OVCH2: variants seen among roughly 807,000 people sequenced by gnomAD.
OVCH2 encodes the protein ovochymase-2.
A neutral mutation model predicts 73.7 loss-of-function variants in OVCH2; 88 were observed. The observed-to-expected ratio is 1.19, with a 90% CI of 1.01 to 1.43. OVCH2 has a LOEUF of 1.43. Ranked by LOEUF, OVCH2 falls within the 40% of genes most tolerant of loss-of-function variation. The probability of loss-of-function intolerance (pLI) is 0.00; values close to 1 mark genes in which losing one functional copy is unlikely to be tolerated. For missense variants in OVCH2, 706 were observed against 674.5 expected (o/e 1.05, Z -0.52); for synonymous variants, 265 against 234.5 (o/e 1.13, Z -1.19).
chr11:7,687,074 C>A (rs1368138783), downstream of OVCH2, among the ~76,000 whole-genome samples: 2 of 151,994 alleles, frequency 1.3e-5, no homozygotes, highest in Non-Finnish European at 2.9e-5. Context: ...TTCTTTCTAC[C>A]TTAAAGGCAA....
At chr11:7,690,372 C>G (rs1856198075) in intron 14 of OVCH2, among the ~76,000 whole-genome samples, 1 of 152,178 alleles carries the variant, frequency 6.6e-6, no homozygotes, top group African/African-American at 2.4e-5. Context: ...TTATGTACTG[C>G]ACACTTGCTT....
downstream of OVCH2, among the ~76,000 whole-genome samples, chr11:7,688,108 G>A (rs1445135799): frequency 6.6e-6 from 1 of 152,072 alleles, no homozygotes; most frequent in Non-Finnish European, 1.5e-5. Flanking sequence ...CAGCTCCCAT[G>A]TCTGTCCTGG....
Position 7,696,540 on chromosome 11 carries a change from T to A in OVCH2, c.1066A>T (p.Ser356Cys). 1 of 1,614,000 alleles carries A rather than the reference T, an allele frequency of 6.2e-7. No individual in the cohort carries two copies. Among genetic ancestry groups the A allele is most frequent in the Non-Finnish European group, 8.5e-7 (1 of 1,179,898 alleles). ...LVPEEMHVLL[S>C]FSHLDVESCH... ...GACTCAACATCTAGGTGGGAAAAAC[T>A]GAGCAACACATGCATTTCCTCTGGT... The change falls in exon 10 of 16, where the codon AGT becomes TGT. Residue 356 changes from serine (S) to cysteine (C), a missense_variant. Physicochemically the swap from Ser to Cys is moderately radical, Grantham distance 112. Coordinates refer to ENST00000533663, the MANE Select transcript of OVCH2 (RefSeq NM_198185.7).
At chr11:7,688,118 G>A (rs1355564886), downstream of OVCH2, among the ~76,000 whole-genome samples, 2 of 151,974 alleles carry the variant, frequency 1.3e-5, no homozygotes, top group Admixed American at 1.3e-4. Context: ...GTCTGTCCTG[G>A]TTCTCCTCCT....
At position 7,704,547 on chromosome 11, in the gene OVCH2, G is replaced by C. The variant is rs1229173903; in HGVS notation, c.198+18C>G. On this transcript the variant is annotated intron_variant, in intron 2 of 15. Transcript: ENST00000533663. ...TATCTAGCACAGTTCTTGATGCATA[G>C]AAGTCCTTGAGACTCACCTGCCAGG... is the stretch of plus-strand genomic sequence containing the variant. 2 of 1,520,598 alleles carry C rather than the reference G, an allele frequency of 1.3e-6. No homozygotes were observed. The highest frequency in any genetic ancestry group is 1.4e-5 in the African/African-American group (1 of 72,794). The allele number at this position is 1,520,598 out of a possible 1,614,324, so 94.2% of individuals were successfully genotyped here.
chr11:7,685,175 G>A (rs1292726765), downstream of OVCH2, among the ~76,000 whole-genome samples: 2 of 152,114 alleles, frequency 1.3e-5, no homozygotes, highest in East Asian at 3.9e-4. Flanking sequence ...GAGAAGTCGA[G>A]TGGCAGGGTC....
intron 8 of OVCH2, chr11:7,697,002 G>T: frequency 1.8e-6 from 1 of 568,790 alleles, no homozygotes; most frequent in Middle Eastern, 4.6e-4. Flanking sequence ...TCTATGATTG[G>T]TTTTCTTTCC....
chr11:7,697,950 T>C (rs1218507348), intron 8 of OVCH2, among the ~76,000 whole-genome samples: 1 of 152,256 alleles, frequency 6.6e-6, no homozygotes, highest in Non-Finnish European at 1.5e-5. Flanking sequence ...GTTTCCATAG[T>C]TTGATCTCAA....
intron 1 of OVCH2, chr11:7,705,481 A>G (rs990373428): frequency 3.3e-5 from 5 of 152,222 alleles, no homozygotes; most frequent in African/African-American, 1.2e-4. Flanking sequence ...ACACATCCTT[A>G]AGAGTATAGC....
chr11:7,679,426 C>G, the OVCH2 span, among the ~76,000 whole-genome samples: 1 of 152,126 alleles, frequency 6.6e-6, no homozygotes, highest in Non-Finnish European at 1.5e-5. Context: ...TTATAATCCC[C>G]ATGTGTAGAG....
chr11:7,701,177 A>G (rs1463689775), intron 6 of OVCH2, 147 bp downstream of exon 6: 14 of 1,091,348 alleles, frequency 1.3e-5, no homozygotes, highest in Non-Finnish European at 1.8e-5. Context: ...TTTGACCCTT[A>G]TAGCTTCTTC....
Position 7,693,271 on chromosome 11 carries a change from G to GT in OVCH2, c.1414-1277dup, listed in dbSNP as rs551422042. ...AACTGGAGGCAAATAATTACTAATG[G>GT]TAAAGGTAGGCGTGGGGAGGGGGAC... On this transcript the variant is annotated intron_variant, in intron 12 of 15. Transcript: ENST00000533663. Among the ~76,000 whole-genome samples the GT allele has an allele frequency of 3.0e-4, 46 of 152,322 alleles. 2 individuals are homozygous for GT. In the South Asian group the frequency reaches 9.5e-3, roughly 32 times the overall value.
At chr11:7,705,688 A>AAT (rs1436651880) in intron 1 of OVCH2, 1 of 152,238 alleles carries the variant, frequency 6.6e-6, no homozygotes, top group East Asian at 1.9e-4. Context: ...CAGTGCCAGG[A>AAT]TGACATTGGA....
chr11:7,686,585 T>C (rs1856144006), downstream of OVCH2, among the ~76,000 whole-genome samples: 1 of 152,210 alleles, frequency 6.6e-6, no homozygotes, highest in Non-Finnish European at 1.5e-5. Flanking sequence ...GAAGCACTCA[T>C]TCTCATTCTC....
At chr11:7,697,500 C>T (rs1856359585) in intron 8 of OVCH2, among the ~76,000 whole-genome samples, 1 of 152,152 alleles carries the variant, frequency 6.6e-6, no homozygotes, top group South Asian at 2.1e-4. Flanking sequence ...AACTTCAGAC[C>T]TGATTTTTTA....
downstream of OVCH2, among the ~76,000 whole-genome samples, chr11:7,685,897 A>G (rs184828044): frequency 6.6e-6 from 1 of 152,106 alleles, no homozygotes; most frequent in South Asian, 2.1e-4. Context: ...AAGAAGGAAA[A>G]CCCCAGGTAT....
intron 15 of OVCH2, 101 bp from the exon 16 acceptor site, chr11:7,689,703 G>A (rs1357645084): frequency 3.2e-6 from 2 of 632,770 alleles, no homozygotes; most frequent in Non-Finnish European, 2.9e-6. Flanking sequence ...TTTTAATAAG[G>A]ACACTAGTCA....
intron 12 of OVCH2, among the ~76,000 whole-genome samples, chr11:7,693,848 A>G (rs7117567): frequency 0.34 from 52,057 of 152,014 alleles, 10,039 homozygotes; most frequent in South Asian, 0.45. Flanking sequence ...TCAATTTCCC[A>G]TCTAATTATT....
the OVCH2 span, among the ~76,000 whole-genome samples, chr11:7,681,471 C>T: frequency 6.6e-6 from 1 of 152,130 alleles, no homozygotes; most frequent in African/African-American, 2.4e-5. Flanking sequence ...TCTTGAGACA[C>T]CTGGAGTGGT....
Sources: allele counts gnomAD v4.1 joint callset (sites outside exome capture counted in the v4.1 genomes callset), GRCh38; gene constraint gnomAD v4.1.1; transcripts MANE v1.5; gene names NCBI Gene and HGNC (gene_info 2026-07-23, HGNC 2026-07-21).